The following ZNF729 variants were observed in gnomAD, a reference collection of about 807,000 sequenced individuals.
ZNF729 encodes the protein zinc finger protein 729.
In ZNF729, 15 loss-of-function variants were observed where a neutral mutation model predicts 12.2. The ratio of observed to expected loss-of-function variants is 1.23; its 90% CI spans 0.82 to 1.89. The LOEUF is 1.89. ZNF729 is among the 40% of genes most tolerant of loss of function. ZNF729 has a pLI of 0.00. For synonymous variants in ZNF729, 492 were observed against 476.3 expected (o/e 1.03, Z -0.43); for missense variants, 1,540 against 1,456.7 (o/e 1.06, Z -0.93).
At chr19:22,287,755 A>G (rs546372192) in intron 1 of ZNF729, among the ~76,000 whole-genome samples, 14 of 150,024 alleles carry the variant, frequency 9.3e-5, no homozygotes, top group Admixed American at 6.7e-4. Flanking sequence ...CCTGCAGCCT[A>G]TCTCTGGCTT....
chr19:22,287,084 T>C (rs1332664313), intron 1 of ZNF729, among the ~76,000 whole-genome samples: 1 of 152,180 alleles, frequency 6.6e-6, no homozygotes, highest in East Asian at 1.9e-4. Context: ...AGGTGCACAA[T>C]GAAGAAAACC....
chr19:22,308,504 C>T (rs896199418), intron 3 of ZNF729, among the ~76,000 whole-genome samples: 1 of 151,958 alleles, frequency 6.6e-6, no homozygotes, highest in African/African-American at 2.4e-5. Context: ...AGAAGTGTTC[C>T]CTGATCACCA....
Position 22,316,757 on chromosome 19 carries a change from A to C in ZNF729, c.3340A>C (p.Asn1114His), listed in dbSNP as rs1252638039. 1 of 1,613,034 alleles carries C rather than the reference A, an allele frequency of 6.2e-7. No homozygotes were observed. The highest frequency in any genetic ancestry group is 8.5e-7 in the Non-Finnish European group (1 of 1,179,784). ...YQCDECGKAF[N>H]NSSTLTKHKI... Reference sequence around the variant, plus strand: ...ATGTGACGAATGTGGCAAAGCTTTTAACAATTCCTCAACCCTTACGAAACA... The same window carrying C: ...ATGTGACGAATGTGGCAAAGCTTTTCACAATTCCTCAACCCTTACGAAACA... The change falls in exon 4 of 4, where the codon AAC becomes CAC. Residue 1114 changes from asparagine to histidine, a missense_variant. By Grantham distance (68) the Asn-to-His change is moderately conservative. Coordinates refer to ENST00000601693, the MANE Select transcript of ZNF729 (RefSeq NM_001242680.2).
chr19:22,291,984 A>T (rs1472585590), intron 1 of ZNF729, among the ~76,000 whole-genome samples: 1 of 152,136 alleles, frequency 6.6e-6, no homozygotes, highest in East Asian at 1.9e-4. Context: ...CGCCCACCTC[A>T]GCCTCTCAAA....
Position 22,291,227 on chromosome 19 carries a change from T to A in ZNF729, c.30+4672T>A, listed in dbSNP as rs149365736. Among the ~76,000 whole-genome samples the A allele has an allele frequency of 9.9e-5, 15 of 152,248 alleles. No homozygotes were observed. In the East Asian group the frequency reaches 2.5e-3, roughly 26 times the overall value. On this transcript the variant is annotated intron_variant, in intron 1 of 3. Coordinates refer to ENST00000601693, the MANE Select transcript of ZNF729 (RefSeq NM_001242680.2). ...GAATGGATCTCTGGGTGTCTGGGAA[T>A]GGGAGGCTCTGCTTTTCTCTACACA...
At position 22,314,932 on chromosome 19, in the gene ZNF729, A is replaced by T; in HGVS notation, c.1515A>T (p.Arg505Ser). Residue 505 changes from arginine (R) to serine (S), a missense_variant, in exon 4 of 4, where the codon AGA (arginine) becomes AGT (serine). Physicochemically the swap from Arg to Ser is moderately radical, Grantham distance 110. Transcript: ENST00000601693. ...KAFNHFSDLRRHKIIHTGKKP... is the reference protein window; with the variant it reads ...KAFNHFSDLRSHKIIHTGKKP... ...TTAACCATTTCTCAGACCTTAGAAGACATAAGATAATTCATACTGGAAAGA... is the reference window on the plus strand; with the variant it reads ...TTAACCATTTCTCAGACCTTAGAAGTCATAAGATAATTCATACTGGAAAGA... 6.2e-7 allele frequency: 1 copy of T among 1,612,950 alleles called. No individual in the cohort carries two copies. Among genetic ancestry groups the T allele is most frequent in the East Asian group, 2.2e-5 (1 of 44,814 alleles).
At chr19:22,293,297 T>A (rs1968179357) in intron 1 of ZNF729, among the ~76,000 whole-genome samples, 1 of 152,148 alleles carries the variant, frequency 6.6e-6, no homozygotes, top group Non-Finnish European at 1.5e-5. Flanking sequence ...GCGATTCTCC[T>A]GCCTCAGCCT....
At chr19:22,307,316 ATTTT>A (rs35650592) in intron 3 of ZNF729, among the ~76,000 whole-genome samples, 5 of 95,296 alleles carry the variant, frequency 5.2e-5, no homozygotes, top group African/African-American at 1.2e-4. Flanking sequence ...ACAATGTAGC[ATTTT>A]TTTTTTTTTT....
At position 22,304,759 on chromosome 19, in the gene ZNF729, C is replaced by T. The variant is rs1398242230; in HGVS notation, c.229C>T (p.His77Tyr). ...GAAAGAGCCTTGGAATATGAAGAGACATGAGATGGTAACTAAACCCCCAGG... is the reference window on the plus strand; with the variant it reads ...GAAAGAGCCTTGGAATATGAAGAGATATGAGATGGTAACTAAACCCCCAGG... ...QGKEPWNMKR[H>Y]EMVTKPPVMR... Residue 77 changes from histidine to tyrosine, a missense_variant, in exon 3 of 4, where the codon CAT becomes TAT. Transcript: ENST00000601693. 6 of 1,612,854 alleles carry T rather than the reference C, an allele frequency of 3.7e-6. No homozygotes were observed. The Admixed American group carries it at 5.0e-5, about 13-fold the overall frequency.
chr19:22,307,800 GTTTTTTTTTTTT>G, intron 3 of ZNF729, among the ~76,000 whole-genome samples: 4 of 53,368 alleles, frequency 7.5e-5, no homozygotes, highest in Admixed American at 6.8e-4. Flanking sequence ...AAAGCTCTGT[GTTTTTTTTTTTT>G]TTTTTTTTTT....
intron 1 of ZNF729, among the ~76,000 whole-genome samples, chr19:22,298,417 T>G (rs1968260173): frequency 1.3e-5 from 2 of 152,232 alleles, no homozygotes; most frequent in African/African-American, 4.8e-5. Context: ...TTATTTCTAA[T>G]ATCCAAATAA....
rs567431275 is a variant in ZNF729 at position 22,316,776 on chromosome 19, C to T, written c.3359C>T (p.Thr1120Met). The T allele has an allele frequency of 4.0e-5, 64 of 1,608,306 alleles. No homozygotes were observed. The highest frequency in any genetic ancestry group is 3.4e-4 in the African/African-American group (25 of 73,602). The change falls in exon 4 of 4, where the codon ACG (threonine) becomes ATG (methionine). Residue 1120 changes from threonine (T) to methionine (M), a missense_variant. By Grantham distance (81) the Thr-to-Met change is moderately conservative. Transcript: ENST00000601693. Reference protein sequence around the residue: ...GKAFNNSSTLTKHKIIHTGEK... With the variant: ...GKAFNNSSTLMKHKIIHTGEK... ...GCTTTTAACAATTCCTCAACCCTTA[C>T]GAAACATAAGATAATTCATACTGGG...
chr19:22,296,888 A>G (rs531088476), intron 1 of ZNF729, among the ~76,000 whole-genome samples: 11 of 152,146 alleles, frequency 7.2e-5, no homozygotes, highest in South Asian at 6.2e-4. Context: ...ATGTGATTGT[A>G]TGGTTTCAAG....
chr19:22,295,873 T>C (rs1342224727), intron 1 of ZNF729, among the ~76,000 whole-genome samples: 1 of 152,224 alleles, frequency 6.6e-6, no homozygotes, highest in African/African-American at 2.4e-5. Context: ...TCTGCATCTA[T>C]TGAGATAATT....
At chr19:22,306,706 CTA>C (rs921621427) in intron 3 of ZNF729, among the ~76,000 whole-genome samples, 25 of 151,184 alleles carry the variant, frequency 1.7e-4, no homozygotes, top group African/African-American at 5.1e-4. Context: ...GAACAAAAAA[CTA>C]TATTTTTATA....
Position 22,314,865 on chromosome 19 carries a change from C to T in ZNF729, c.1448C>T (p.Thr483Ile). Residue 483 changes from threonine (T) to isoleucine (I), a missense_variant, in exon 4 of 4, where the codon ACT (threonine) becomes ATT (isoleucine). Transcript: ENST00000601693. The stretch of plus-strand genomic sequence containing the variant: ...CTTACTAGACATAAAGCAATTCATA[C>T]TGGAGAGAAACCCTACAAATGTGAA... ...SHLTRHKAIHTGEKPYKCEEC... is the reference protein window; with the variant it reads ...SHLTRHKAIHIGEKPYKCEEC... 1.2e-6 allele frequency: 2 copies of T among 1,613,522 alleles called. No homozygotes were observed. Among genetic ancestry groups the T allele is most frequent in the Admixed American group, 3.3e-5 (2 of 59,996 alleles).
Position 22,286,505 on chromosome 19 carries a change from A to C in ZNF729, c.-21A>C. The C allele has an allele frequency of 6.2e-7, 1 of 1,612,806 alleles. No homozygotes were observed. Among genetic ancestry groups the C allele is most frequent in the Non-Finnish European group, 8.5e-7 (1 of 1,179,832 alleles). On this transcript the variant is annotated 5_prime_UTR_variant, in exon 1 of 4. Transcript: ENST00000601693. Reference sequence around the variant, plus strand: ...CCTCTGTGGCCCTGTAACCTGCGGCATTGGAAGATCCACAGCTAACATGCC... The same window carrying C: ...CCTCTGTGGCCCTGTAACCTGCGGCCTTGGAAGATCCACAGCTAACATGCC...
At chr19:22,304,636 A>T in intron 2 of ZNF729, 52 bp from the exon 3 acceptor site, 1 of 1,466,534 alleles carries the variant, frequency 6.8e-7, no homozygotes, top group Non-Finnish European at 9.3e-7. Flanking sequence ...TAATGAGCAT[A>T]TTATTTGGGT....
At chr19:22,290,495 A>G (rs192889500) in intron 1 of ZNF729, among the ~76,000 whole-genome samples, 1 of 152,334 alleles carries the variant, frequency 6.6e-6, no homozygotes, top group Admixed American at 6.5e-5. Flanking sequence ...CTTGTTTCAT[A>G]TGGAAGAGCA....
Sources: gnomAD v4.1 joint callset for allele counts (sites outside exome capture counted in the v4.1 genomes callset) on GRCh38, gnomAD v4.1.1 for gene constraint, MANE v1.5 for transcripts, NCBI Gene and HGNC (gene_info 2026-07-23, HGNC 2026-07-21) for gene names.